CDH23: variants seen among roughly 807,000 people sequenced by gnomAD.
CDH23 encodes cadherin-23.
CDH23 carries 189 observed loss-of-function variants against 317.1 expected under a neutral mutation model. The observed-to-expected ratio is 0.60, with a 90% confidence interval of 0.53 to 0.67. CDH23 has a LOEUF of 0.67. Ranked by LOEUF, CDH23 falls within the 30% of genes least tolerant of loss-of-function variation. CDH23 has a pLI of 0.00. For missense variants in CDH23, 4,401 were observed against 4,592.4 expected (o/e 0.96, Z 1.20); for synonymous variants, 1,839 against 1,876.8 (o/e 0.98, Z 0.52).
chr10:71,745,435 C>T (rs1042011999), intron 38 of CDH23, among the ~76,000 whole-genome samples: 1 of 152,186 alleles, frequency 6.6e-6, no homozygotes, highest in Non-Finnish European at 1.5e-5. Flanking sequence ...GGGCAGGACT[C>T]TCTATTTCCA....
intron 6 of CDH23, among the ~76,000 whole-genome samples, chr10:71,535,942 T>G (rs750494210): frequency 2.0e-5 from 3 of 152,156 alleles, no homozygotes; most frequent in African/African-American, 7.2e-5. Flanking sequence ...AGACAGACAG[T>G]CAGGGAAATG....
intron 6 of CDH23, among the ~76,000 whole-genome samples, chr10:71,560,314 A>T (rs549710133): frequency 6.6e-6 from 1 of 152,258 alleles, no homozygotes; most frequent in Admixed American, 6.5e-5. Context: ...TCTTATTCTC[A>T]GTGAAAGTGT....
At chr10:71,486,395 G>A (rs907931384) in intron 3 of CDH23, among the ~76,000 whole-genome samples, 2 of 152,140 alleles carry the variant, frequency 1.3e-5, no homozygotes, top group African/African-American at 4.8e-5. Context: ...GGGAAAGATG[G>A]GATGAGAGGA....
chr10:71,536,406 G>T (rs1011335310), intron 6 of CDH23, among the ~76,000 whole-genome samples: 1 of 152,222 alleles, frequency 6.6e-6, no homozygotes, highest in Admixed American at 6.5e-5. Context: ...GGGGTGGGCT[G>T]CGAACAGTGG....
At chr10:71,541,783 CAAAAGCAGCCACAGATAGCATAT>C (rs1856003061) in intron 6 of CDH23, among the ~76,000 whole-genome samples, 1 of 152,212 alleles carries the variant, frequency 6.6e-6, no homozygotes, top group African/African-American at 2.4e-5. Context: ...TCTTGTGATA[CAAAAGCAGCCACAGATAGCATAT>C]AAAAGACTGA....
At chr10:71,540,584 C>T (rs1855933761) in intron 6 of CDH23, among the ~76,000 whole-genome samples, 1 of 152,230 alleles carries the variant, frequency 6.6e-6, no homozygotes, top group South Asian at 2.1e-4. Flanking sequence ...TTCACTTCTT[C>T]CCTGCTCTTT....
chr10:71,524,239 C>T (rs148960832), intron 6 of CDH23, among the ~76,000 whole-genome samples: 2 of 152,218 alleles, frequency 1.3e-5, no homozygotes, highest in Admixed American at 1.3e-4. Context: ...TGGACGGACC[C>T]TCAGGGCCTG....
At chr10:71,677,405 C>A in intron 15 of CDH23, 51 bp from the exon 16 acceptor site, 3 of 1,451,706 alleles carry the variant, frequency 2.1e-6, no homozygotes, top group African/African-American at 2.8e-5. Flanking sequence ...CATCAACAAG[C>A]CTGTTTTAAA....
At position 71,732,274 on chromosome 10, in the gene CDH23, G is replaced by A. The variant is rs1318505632; in HGVS notation, c.4003G>A (p.Val1335Ile). The change falls in exon 32 of 70, where the codon GTC (valine) becomes ATC (isoleucine). Residue 1335 changes from valine to isoleucine, a missense_variant. Val to Ile is a conservative substitution (Grantham distance 29). This residue lies in a region of CDH23 where 3,068 missense variants were observed against 3,203.3 expected (regional missense o/e 0.96). Coordinates refer to ENST00000224721, the MANE Select transcript of CDH23 (RefSeq NM_022124.6). ...GGCACTGGGTACTGAGATTGTGCGGGTCCAGGCCTACTCCATCGACAACCT... is the reference window on the plus strand; with the variant it reads ...GGCACTGGGTACTGAGATTGTGCGGATCCAGGCCTACTCCATCGACAACCT... ...NLALGTEIVR[V>I]QAYSIDNLNQ... 2 of 1,613,402 alleles carry A rather than the reference G, an allele frequency of 1.2e-6. No homozygotes were observed. The highest frequency in any genetic ancestry group is 1.7e-6 in the Non-Finnish European group (2 of 1,179,620).
At chr10:71,409,858 C>T (rs373287321) in intron 1 of CDH23, among the ~76,000 whole-genome samples, 4 of 152,144 alleles carry the variant, frequency 2.6e-5, no homozygotes, top group Non-Finnish European at 4.4e-5. Context: ...CACACCTCAT[C>T]GCTGTCCACA....
intron 41 of CDH23, among the ~76,000 whole-genome samples, chr10:71,781,684 A>G (rs977798902): frequency 1.3e-5 from 2 of 152,240 alleles, no homozygotes; most frequent in African/African-American, 4.8e-5. Context: ...GGGGAGTCCC[A>G]GCAGACTAAC....
At chr10:71,626,913 C>T (rs1253563729) in intron 11 of CDH23, among the ~76,000 whole-genome samples, 1 of 152,160 alleles carries the variant, frequency 6.6e-6, no homozygotes, top group African/African-American at 2.4e-5. Context: ...TTAGAGGGCC[C>T]TTGTCCAGGG....
intron 14 of CDH23, among the ~76,000 whole-genome samples, chr10:71,657,725 C>T (rs1477985628): frequency 1.3e-5 from 2 of 151,554 alleles, no homozygotes; most frequent in Non-Finnish European, 2.9e-5. Flanking sequence ...TATCCTCCCT[C>T]CCCACCCCCT....
intron 14 of CDH23, among the ~76,000 whole-genome samples, chr10:71,657,679 C>A (rs1863475000): frequency 6.6e-6 from 1 of 152,136 alleles, no homozygotes; most frequent in African/African-American, 2.4e-5. Flanking sequence ...GCCTGCTCAG[C>A]TCTTCCAGCG....
At chr10:71,667,357 A>AGTGT (rs1174912824) in intron 14 of CDH23, among the ~76,000 whole-genome samples, 96 of 90,806 alleles carry the variant, frequency 1.1e-3, no homozygotes, top group South Asian at 2.0e-3. Context: ...AAAGAGAGAG[A>AGTGT]GAGTGTGTGT....
chr10:71,437,699 AT>A (rs1468542619), intron 1 of CDH23, among the ~76,000 whole-genome samples: 2 of 152,218 alleles, frequency 1.3e-5, no homozygotes, highest in African/African-American at 4.8e-5. Flanking sequence ...TTCCTTACAA[AT>A]TGAGTTATTT....
intron 6 of CDH23, among the ~76,000 whole-genome samples, chr10:71,525,396 C>G (rs78939259): frequency 0.028 from 4,251 of 152,298 alleles, 90 homozygotes; most frequent in Middle Eastern, 0.058. Context: ...CCCTGAAGCA[C>G]CCCCAGGCTC....
chr10:71,713,210 C>T (rs768057359), intron 28 of CDH23: 13 of 779,138 alleles, frequency 1.7e-5, no homozygotes, highest in Admixed American at 5.1e-5. Flanking sequence ...AGCCCTTGGC[C>T]GAGGCTCCCC....
At position 71,690,571 on chromosome 10, in the gene CDH23, C is replaced by T. The variant is rs192326086; in HGVS notation, c.2163C>T (p.Ile721=). 103 of 1,601,594 alleles carry T rather than the reference C, an allele frequency of 6.4e-5. No homozygotes were observed. The African/African-American group carries it at 1.4e-3, about 21-fold the overall frequency. ...YSLEGSTQFR[I]NARSGEITTT... Reference sequence around the variant, plus strand: ...TGGAAGGCTCCACCCAGTTTCGGATCAATGCCCGCTCAGGTGAGCCCCCCC... The same window carrying T: ...TGGAAGGCTCCACCCAGTTTCGGATTAATGCCCGCTCAGGTGAGCCCCCCC... The change falls in exon 20 of 70, where the codon ATC becomes ATT. Residue 721 remains isoleucine (I), a synonymous_variant. Transcript: ENST00000224721.
Sources: allele counts gnomAD v4.1 joint callset (sites outside exome capture counted in the v4.1 genomes callset), GRCh38; gene constraint gnomAD v4.1.1; regional missense constraint gnomAD v4.1.1; transcripts MANE v1.5; gene names NCBI Gene and HGNC (gene_info 2026-07-23, HGNC 2026-07-21).